DUSP10: variants seen among roughly 807,000 people sequenced by gnomAD.
DUSP10 encodes dual specificity protein phosphatase 10.
DUSP10 carries 14 observed loss-of-function variants against 30.8 expected under a neutral mutation model. The ratio of observed to expected loss-of-function variants is 0.46; its 90% CI spans 0.30 to 0.71. DUSP10 has a LOEUF of 0.71. Among genes scored for constraint, DUSP10 ranks in the 30% least tolerant of loss-of-function variants. The pLI, the probability that DUSP10 is intolerant of heterozygous loss-of-function variation, is 0.08. For synonymous variants in DUSP10, 254 were observed against 250.4 expected, an observed-to-expected ratio of 1.01 and a Z score of -0.14; for missense variants, 550 against 619.4, an observed-to-expected ratio of 0.89 and a Z score of 1.19.
intron 1 of DUSP10, among the ~76,000 whole-genome samples, chr1:221,740,655 A>G (rs942714091): frequency 6.6e-6 from 1 of 152,160 alleles, no homozygotes; most frequent in Non-Finnish European, 1.5e-5. Flanking sequence ...GCTGGCACAG[A>G]CTGTGCATCC....
chr1:221,721,046 A>G (rs1315965228), intron 2 of DUSP10, among the ~76,000 whole-genome samples: 1 of 152,232 alleles, frequency 6.6e-6, no homozygotes, highest in Admixed American at 6.5e-5. Flanking sequence ...ATATTGACAA[A>G]GCTGTTTCAC....
At chr1:221,717,017 A>C (rs1661125811) in intron 2 of DUSP10, among the ~76,000 whole-genome samples, 2 of 152,198 alleles carry the variant, frequency 1.3e-5, no homozygotes, top group Non-Finnish European at 2.9e-5. Context: ...CTCCATCAGG[A>C]GGAAACATAT....
rs377638919 is a variant in DUSP10 at position 221,712,385 on chromosome 1, G to A, written c.812-5919C>T. ...GAAGTATTTATCTTACTCAGGGGAA[G>A]AAAGAGATTTAGGAGGCTGACTATG... On this transcript the variant is annotated intron_variant, in intron 2 of 3. Transcript: ENST00000366899. Among the ~76,000 whole-genome samples the A allele has an allele frequency of 2.0e-5, 3 of 152,150 alleles. No individual in the cohort carries two copies. In the East Asian group the frequency reaches 5.8e-4, roughly 29 times the overall value.
intron 2 of DUSP10, among the ~76,000 whole-genome samples, chr1:221,713,283 C>T (rs1452720335): frequency 2.6e-5 from 4 of 152,210 alleles, no homozygotes; most frequent in Admixed American, 6.5e-5. Context: ...GCCTAGTCTA[C>T]ACTCCATCAC....
At chr1:221,731,678 G>A (rs1040172980) in intron 2 of DUSP10, among the ~76,000 whole-genome samples, 4 of 146,816 alleles carry the variant, frequency 2.7e-5, no homozygotes, top group African/African-American at 7.6e-5. Context: ...GCGGGATCTC[G>A]GCTCACTCCA....
At position 221,701,496 on chromosome 1, in the gene DUSP10, T is replaced by G. The variant is rs1660603598; in HGVS notation, c.*916A>C. 7.2e-6 allele frequency: 1 copy of G among 139,400 alleles called. No homozygotes were observed. Among genetic ancestry groups the G allele is most frequent in the African/African-American group, 2.8e-5 (1 of 36,104 alleles). 8.6% of individuals were successfully genotyped at this position (139,400 alleles called of 1,614,324 possible). On this transcript the variant is annotated 3_prime_UTR_variant, in exon 4 of 4. Coordinates refer to ENST00000366899, the MANE Select transcript of DUSP10 (RefSeq NM_007207.6). ...AACACACCAAGATTTTTTTTTTTTT[T>G]GCGAAAAATATTTTTAAATAAATTT...
At chr1:221,740,146 C>T (rs1661907523) in intron 1 of DUSP10, among the ~76,000 whole-genome samples, 1 of 152,174 alleles carries the variant, frequency 6.6e-6, no homozygotes, top group Admixed American at 6.5e-5. Flanking sequence ...CTATTCTGAA[C>T]CTCAGCTCTC....
chr1:221,711,371 G>T (rs1017392010), intron 2 of DUSP10, among the ~76,000 whole-genome samples: 26 of 152,194 alleles, frequency 1.7e-4, no homozygotes, highest in Non-Finnish European at 2.4e-4. Flanking sequence ...AAGCTAGAAA[G>T]TGAGCTGTTT....
intron 2 of DUSP10, among the ~76,000 whole-genome samples, chr1:221,720,129 T>C (rs1436309235): frequency 6.6e-6 from 1 of 152,176 alleles, no homozygotes; most frequent in African/African-American, 2.4e-5. Context: ...CTGCCCCTGG[T>C]TCCTGTAGCA....
Position 221,702,502 on chromosome 1 carries a change from C to A in DUSP10, c.1359G>T (p.Gly453=), listed in dbSNP as rs1660636841. Residue 453 remains glycine, a synonymous_variant, in exon 4 of 4, where the codon GGG becomes GGT. Coordinates refer to ENST00000366899, the MANE Select transcript of DUSP10 (RefSeq NM_007207.6). The surrounding 1 kb of genome is among the most constrained non-coding windows in gnomAD (Gnocchi z 4.5). ...GGTCTTCCTCGAACTCTAGCAACTG[C>A]CCCATGAAGTTAAGGTTTGGGGAGA... ...PIISPNLNFM[G]QLLEFEEDLN... 2 of 1,613,958 alleles carry A rather than the reference C, an allele frequency of 1.2e-6. No individual in the cohort carries two copies. Among genetic ancestry groups the A allele is most frequent in the Non-Finnish European group, 1.7e-6 (2 of 1,180,026 alleles).
rs573732548 is a variant in DUSP10, at chr1:221,717,172, G to A, written c.812-10706C>T. On this transcript the variant is annotated intron_variant, in intron 2 of 3. Coordinates refer to ENST00000366899, the MANE Select transcript of DUSP10 (RefSeq NM_007207.6). ...GCCTCTCTGAGGTATGAGAGGGGAC[G>A]GAATCCAGGAGAACATAGGGAGGGA... 1.2e-3 allele frequency among the ~76,000 whole-genome samples: 178 copies of A among 152,230 alleles called. 1 individual carries two copies. The highest frequency in any genetic ancestry group is 2.0e-3 in the Non-Finnish European group (137 of 68,016).
chr1:221,704,471 G>C (rs1660697878), intron 3 of DUSP10, among the ~76,000 whole-genome samples: 1 of 152,166 alleles, frequency 6.6e-6, no homozygotes, highest in Non-Finnish European at 1.5e-5. Context: ...TAAGTCAGAT[G>C]GAATCTCAGT....
chr1:221,729,448 GA>G (rs910930151), intron 2 of DUSP10, among the ~76,000 whole-genome samples: 1 of 152,158 alleles, frequency 6.6e-6, no homozygotes, highest in Non-Finnish European at 1.5e-5. Flanking sequence ...TTTGGGCTTT[GA>G]AATCATAAGA....
At chr1:221,738,909 C>T (rs768523458) in intron 2 of DUSP10, 25 bp downstream of exon 2, 6 of 1,574,720 alleles carry the variant, frequency 3.8e-6, no homozygotes, top group South Asian at 3.6e-5. Flanking sequence ...CAGGACCGTG[C>T]TTGGGAAGGG....
chr1:221,728,329 A>G (rs1036716797), intron 2 of DUSP10, among the ~76,000 whole-genome samples: 1 of 152,234 alleles, frequency 6.6e-6, no homozygotes, highest in Non-Finnish European at 1.5e-5. Context: ...TCACTGTGTG[A>G]AGCTGGGTGC....
At chr1:221,739,933 T>C in intron 1 of DUSP10, 146 bp from the exon 2 acceptor site, 1 of 831,940 alleles carries the variant, frequency 1.2e-6, no homozygotes, top group Non-Finnish European at 1.7e-6. Context: ...AAACTTGAAA[T>C]TCATTTTTAT....
At chr1:221,711,560 T>G (rs1394496009) in intron 2 of DUSP10, 1 of 152,224 alleles carries the variant, frequency 6.6e-6, no homozygotes, top group African/African-American at 2.4e-5. Context: ...AGTAAAACAG[T>G]ACCTTGATGA....
chr1:221,738,583 G>A (rs1423640505), intron 2 of DUSP10, among the ~76,000 whole-genome samples: 2 of 152,186 alleles, frequency 1.3e-5, no homozygotes, highest in Non-Finnish European at 2.9e-5. Flanking sequence ...TCCAACTAGT[G>A]ATTGATTGGA....
intron 2 of DUSP10, among the ~76,000 whole-genome samples, chr1:221,723,376 C>G (rs144865788): frequency 8.5e-5 from 13 of 152,314 alleles, no homozygotes; most frequent in African/African-American, 2.9e-4. Context: ...TGCTGTTCTC[C>G]TAATACATAC....
Sources: gnomAD v4.1 joint callset for allele counts (sites outside exome capture counted in the v4.1 genomes callset) on GRCh38, gnomAD v4.1.1 for gene constraint, Gnocchi (gnomAD v3.1) non-coding constraint, MANE v1.5 for transcripts, NCBI Gene and HGNC (gene_info 2026-07-23, HGNC 2026-07-21) for gene names.